The following RPA1 variants were observed in gnomAD, a reference collection of about 807,000 sequenced individuals.
The protein encoded by RPA1 is replication protein A 70 kDa DNA-binding subunit.
A neutral mutation model predicts 83.0 loss-of-function variants in RPA1; 49 were observed. The ratio of observed to expected loss-of-function variants is 0.59; its 90% CI spans 0.47 to 0.75. The LOEUF (loss-of-function observed/expected upper bound fraction) is 0.75, where lower values mean the gene tolerates loss of function less well. RPA1 is among the 30% of genes least tolerant of loss of function. RPA1 has a pLI of 0.00. For missense variants in RPA1, 693 were observed against 776.1 expected (o/e 0.89, Z 1.27); for synonymous variants, 279 against 281.8 (o/e 0.99, Z 0.10).
intron 13 of RPA1, among the ~76,000 whole-genome samples, chr17:1,886,551 C>T (rs1451210148): frequency 6.6e-6 from 1 of 152,210 alleles, no homozygotes; most frequent in African/African-American, 2.4e-5. Flanking sequence ...GTGCAGCCAC[C>T]TTCATTGGTG....
At chr17:1,847,473 C>T (rs779052489) in intron 4 of RPA1, among the ~76,000 whole-genome samples, 1 of 152,212 alleles carries the variant, frequency 6.6e-6, no homozygotes, top group African/African-American at 2.4e-5. Context: ...GATGGCACTG[C>T]CTCAGCTTGC....
At chr17:1,880,154 C>T (rs1011915142) in intron 11 of RPA1, among the ~76,000 whole-genome samples, 2 of 146,592 alleles carry the variant, frequency 1.4e-5, no homozygotes, top group Non-Finnish European at 3.0e-5. Flanking sequence ...GCGGAGGGGG[C>T]GTCTTGTCCT....
At chr17:1,868,242 C>G (rs1288312715) in intron 5 of RPA1, among the ~76,000 whole-genome samples, 2 of 152,154 alleles carry the variant, frequency 1.3e-5, no homozygotes, top group Non-Finnish European at 2.9e-5. Flanking sequence ...TTCGTTGTAA[C>G]CAGATCAGTG....
chr17:1,884,021 G>A lies in RPA1; in HGVS notation c.1374+77G>A. 1 of 1,581,842 alleles carries A rather than the reference G, an allele frequency of 6.3e-7. No homozygotes were observed. The highest frequency in any genetic ancestry group is 8.6e-7 in the Non-Finnish European group (1 of 1,159,418). On this transcript the variant is annotated intron_variant, in intron 13 of 16. Coordinates refer to ENST00000254719, the MANE Select transcript of RPA1 (RefSeq NM_002945.5). The surrounding 1 kb of genome is among the most constrained non-coding windows in gnomAD (Gnocchi z 4.1). ...GATGGATTTAGAAACTTGGTTTCCAGCACCAGCTGTCAGAGCCGTAATTCT... is the reference window on the plus strand; with the variant it reads ...GATGGATTTAGAAACTTGGTTTCCAACACCAGCTGTCAGAGCCGTAATTCT...
chr17:1,879,653 T>C lies in RPA1; in HGVS notation c.1046T>C (p.Met349Thr). The C allele has an allele frequency of 6.2e-7, 1 of 1,614,256 alleles. No homozygotes were observed. Among genetic ancestry groups the C allele is most frequent in the Non-Finnish European group, 8.5e-7 (1 of 1,180,044 alleles). The change falls in exon 11 of 17, where the codon ATG (methionine) becomes ACG (threonine). Residue 349 changes from methionine to threonine, a missense_variant. Coordinates refer to ENST00000254719, the MANE Select transcript of RPA1 (RefSeq NM_002945.5). ...GTTGCCAAGAGGAATATCTACTTGA[T>C]GGACACATCCGGGAAGGTGGTGACT... ...REVAKRNIYL[M>T]DTSGKVVTAT...
At chr17:1,878,517 C>T (rs1172919505) in intron 8 of RPA1, among the ~76,000 whole-genome samples, 3 of 152,302 alleles carry the variant, frequency 2.0e-5, no homozygotes, top group Non-Finnish European at 2.9e-5. Flanking sequence ...AAGCAACTTG[C>T]AAACATGACT....
chr17:1,871,433 T>G (rs1913373104), intron 5 of RPA1, among the ~76,000 whole-genome samples: 1 of 152,122 alleles, frequency 6.6e-6, no homozygotes, highest in Non-Finnish European at 1.5e-5. Context: ...ACTCAGCAGT[T>G]GGAGAAGGCA....
At chr17:1,837,253 G>A (rs899898347) in intron 1 of RPA1, among the ~76,000 whole-genome samples, 1 of 152,150 alleles carries the variant, frequency 6.6e-6, no homozygotes, top group African/African-American at 2.4e-5. Context: ...ACAGGCACAA[G>A]CCACCACTGT....
chr17:1,858,270 A>G (rs1278843975), intron 5 of RPA1: 2 of 1,612,468 alleles, frequency 1.2e-6, no homozygotes, highest in Non-Finnish European at 8.5e-7. Flanking sequence ...CAAAGTTCCC[A>G]GGGAGTAACA....
At chr17:1,847,070 G>A (rs1157085090) in intron 4 of RPA1, among the ~76,000 whole-genome samples, 8 of 152,250 alleles carry the variant, frequency 5.3e-5, no homozygotes, top group African/African-American at 1.9e-4. Context: ...TTCTTGGCTT[G>A]TACTTTCTTC....
intron 5 of RPA1, among the ~76,000 whole-genome samples, chr17:1,869,263 A>G (rs1913292135): frequency 6.6e-6 from 1 of 152,156 alleles, no homozygotes; most frequent in Non-Finnish European, 1.5e-5. Context: ...TCGGCCGGGC[A>G]TGGTGGCTTA....
At chr17:1,880,136 TGGGGTTGG>T (rs1346448629) in intron 11 of RPA1, among the ~76,000 whole-genome samples, 1 of 136,298 alleles carries the variant, frequency 7.3e-6, no homozygotes, top group Admixed American at 7.2e-5. Flanking sequence ...GAGGAGCTCC[TGGGGTTGG>T]CGGAGGGGGC....
chr17:1,885,678 A>T (rs758739894), intron 13 of RPA1, among the ~76,000 whole-genome samples: 8 of 151,864 alleles, frequency 5.3e-5, no homozygotes, highest in African/African-American at 9.7e-5. Flanking sequence ...GGCTCAAGGG[A>T]TCTCCCTGCC....
chr17:1,838,132 A>G (rs974128016), intron 1 of RPA1, among the ~76,000 whole-genome samples: 2 of 151,238 alleles, frequency 1.3e-5, no homozygotes, highest in South Asian at 4.2e-4. Flanking sequence ...TCTCTACTAA[A>G]AATACAAAAT....
intron 13 of RPA1, among the ~76,000 whole-genome samples, chr17:1,887,144 G>A (rs1914021962): frequency 6.6e-6 from 1 of 152,160 alleles, no homozygotes; most frequent in Admixed American, 6.6e-5. Flanking sequence ...TCAAAGAAGA[G>A]AGACAGGAAT....
intron 13 of RPA1, among the ~76,000 whole-genome samples, chr17:1,885,548 T>C (rs1333413271): frequency 6.6e-6 from 1 of 152,140 alleles, no homozygotes; most frequent in Non-Finnish European, 1.5e-5. Context: ...CACAGCTCAC[T>C]GCAGTCTCAA....
intron 5 of RPA1, among the ~76,000 whole-genome samples, chr17:1,853,469 C>T (rs571502590): frequency 1.1e-4 from 16 of 152,218 alleles, no homozygotes; most frequent in South Asian, 2.1e-4. Context: ...GATCACTTGA[C>T]GTCAGGAGTT....
chr17:1,885,726 G>A (rs1019971805), intron 13 of RPA1, among the ~76,000 whole-genome samples: 6 of 152,172 alleles, frequency 3.9e-5, no homozygotes, highest in Admixed American at 1.3e-4. Flanking sequence ...AGGTGTGAGC[G>A]ACTGTGCCCA....
chr17:1,843,925 C>A lies in RPA1; in HGVS notation c.90C>A (p.Ile30=), dbSNP rs1306196113. ...NIKPILQVIN[I]RPITTGNSPP... is the part of the protein sequence containing the mutation. ...AATCAAGTTTTCTGTCCTAGAACAT[C>A]CGTCCCATTACTACGGGGAATAGTC... Residue 30 remains isoleucine (I), a synonymous_variant, in exon 3 of 17, where the codon ATC becomes ATA. Transcript: ENST00000254719. 4.3e-6 allele frequency: 7 copies of A among 1,613,760 alleles called. No individual in the cohort carries two copies. Among genetic ancestry groups the A allele is most frequent in the African/African-American group, 1.3e-5 (1 of 75,028 alleles).
Sources: allele counts gnomAD v4.1 joint callset (sites outside exome capture counted in the v4.1 genomes callset), GRCh38; gene constraint gnomAD v4.1.1; non-coding constraint Gnocchi (gnomAD v3.1); transcripts MANE v1.5; gene names NCBI Gene and HGNC (gene_info 2026-07-23, HGNC 2026-07-21).